SMAP1: variants seen among roughly 807,000 people sequenced by gnomAD.
SMAP1 encodes the protein small ArfGAP 1, also known as stromal membrane-associated protein 1.
SMAP1 carries 24 observed loss-of-function variants against 58.5 expected under a neutral mutation model. The observed-to-expected ratio is 0.41, with a 90% CI of 0.30 to 0.58. The LOEUF is 0.58. SMAP1 is among the 20% of genes least tolerant of loss of function. The probability of loss-of-function intolerance (pLI) is 0.29; values close to 1 mark genes in which losing one functional copy is unlikely to be tolerated. For synonymous variants in SMAP1, 216 were observed against 196.6 expected, an observed-to-expected ratio of 1.10 and a Z score of -0.82; for missense variants, 563 against 566.3, an observed-to-expected ratio of 0.99 and a Z score of 0.06.
At chr6:70,855,187 G>C (rs1771362043) in intron 8 of SMAP1, among the ~76,000 whole-genome samples, 1 of 152,088 alleles carries the variant, frequency 6.6e-6, no homozygotes. Context: ...GAAGGCCAGA[G>C]AGCCTTCGAT....
chr6:70,802,984 C>T (rs1194052621), intron 6 of SMAP1, among the ~76,000 whole-genome samples: 1 of 152,188 alleles, frequency 6.6e-6, no homozygotes, highest in Non-Finnish European at 1.5e-5. Flanking sequence ...TGTTGTGTCT[C>T]TGCCAGGCTT....
intron 4 of SMAP1, among the ~76,000 whole-genome samples, chr6:70,777,441 T>C (rs1198725683): frequency 1.3e-5 from 2 of 152,172 alleles, no homozygotes; most frequent in Non-Finnish European, 2.9e-5. Flanking sequence ...TCAGATCTTT[T>C]GCTTATTTTT....
chr6:70,688,508 A>G (rs1367824374), intron 1 of SMAP1, among the ~76,000 whole-genome samples: 1 of 152,212 alleles, frequency 6.6e-6, no homozygotes, highest in Non-Finnish European at 1.5e-5. Context: ...GTGTTGTAAC[A>G]GTGATATTGG....
chr6:70,702,411 GTTTCA>G (rs1767670842), intron 1 of SMAP1, among the ~76,000 whole-genome samples: 1 of 151,396 alleles, frequency 6.6e-6, no homozygotes, highest in Non-Finnish European at 1.5e-5. Flanking sequence ...CTGTTTATTT[GTTTCA>G]TTTTAGATAG....
intron 1 of SMAP1, among the ~76,000 whole-genome samples, chr6:70,685,000 T>C (rs1404701812): frequency 1.3e-5 from 2 of 152,186 alleles, no homozygotes; most frequent in African/African-American, 4.8e-5. Context: ...TGAGCTCCAG[T>C]GTCATTACAT....
chr6:70,794,999 C>T (rs1220887832), intron 5 of SMAP1, among the ~76,000 whole-genome samples: 17 of 151,712 alleles, frequency 1.1e-4, no homozygotes, highest in Admixed American at 9.9e-4. Context: ...CGTGTTAGCC[C>T]GGATGGTCTC....
intron 10 of SMAP1, chr6:70,859,829 A>C (rs1431513433): frequency 1.1e-5 from 2 of 182,756 alleles, no homozygotes; most frequent in Non-Finnish European, 2.3e-5. Context: ...TCTATCATAC[A>C]AAGTTTATAG....
intron 2 of SMAP1, among the ~76,000 whole-genome samples, chr6:70,741,664 G>A (rs912986338): frequency 6.6e-6 from 1 of 152,138 alleles, no homozygotes; most frequent in Non-Finnish European, 1.5e-5. Flanking sequence ...CCCTCTTCTC[G>A]TAGATAACTA....
At chr6:70,851,695 A>G (rs1026952112) in intron 7 of SMAP1, among the ~76,000 whole-genome samples, 7 of 152,278 alleles carry the variant, frequency 4.6e-5, no homozygotes, top group Admixed American at 1.3e-4. Flanking sequence ...GCCCTTATAA[A>G]TGTTCACTAA....
At chr6:70,775,814 C>T (rs560679712) in intron 4 of SMAP1, among the ~76,000 whole-genome samples, 16 of 152,224 alleles carry the variant, frequency 1.1e-4, no homozygotes, top group African/African-American at 3.4e-4. Context: ...AAATGTATTC[C>T]ACCTATTCCA....
chr6:70,706,902 C>G (rs1364918769), intron 1 of SMAP1, among the ~76,000 whole-genome samples: 2 of 151,878 alleles, frequency 1.3e-5, no homozygotes, highest in East Asian at 3.9e-4. Context: ...ATCAAATAAG[C>G]CAGTGTTTAA....
chr6:70,710,073 A>G (rs776278438), intron 1 of SMAP1, among the ~76,000 whole-genome samples: 43 of 152,278 alleles, frequency 2.8e-4, no homozygotes, highest in Admixed American at 5.2e-4. Flanking sequence ...GGTATAGCCT[A>G]TTGCTCCTAG....
chr6:70,782,047 G>A (rs775170844), intron 4 of SMAP1, among the ~76,000 whole-genome samples: 10 of 152,124 alleles, frequency 6.6e-5, no homozygotes, highest in Non-Finnish European at 1.3e-4. Context: ...TTATCTCATG[G>A]ATAGATGGGG....
At chr6:70,753,024 G>A (rs1344468169) in intron 2 of SMAP1, among the ~76,000 whole-genome samples, 3 of 151,668 alleles carry the variant, frequency 2.0e-5, no homozygotes, top group Non-Finnish European at 4.4e-5. Flanking sequence ...TTGGTATAAT[G>A]TACATATCTG....
At chr6:70,805,114 C>T (rs1769060971) in intron 6 of SMAP1, among the ~76,000 whole-genome samples, 1 of 152,132 alleles carries the variant, frequency 6.6e-6, no homozygotes, top group South Asian at 2.1e-4. Context: ...TGGTTTCATT[C>T]TCCCCATCAC....
At chr6:70,708,022 T>C (rs1345740131) in intron 1 of SMAP1, among the ~76,000 whole-genome samples, 1 of 152,156 alleles carries the variant, frequency 6.6e-6, no homozygotes, top group Non-Finnish European at 1.5e-5. Context: ...GTAGTAACAC[T>C]GCAGTGTATA....
intron 6 of SMAP1, among the ~76,000 whole-genome samples, chr6:70,805,659 A>T (rs919380910): frequency 1.3e-5 from 2 of 151,996 alleles, no homozygotes; most frequent in East Asian, 3.9e-4. Context: ...TTGGTCTTTG[A>T]TGTTGGTGAC....
At position 70,860,473 on chromosome 6, in the gene SMAP1, GTTGGTCTGTA is replaced by G. The variant is rs1201528475; in HGVS notation, c.*140_*149del. ...TATTAAGAATGATCTGATTGACCGT[GTTGGTCTGTA>G]CTGATTCAATTTGATGTGGTGAAAA... On this transcript the variant is annotated 3_prime_UTR_variant, in exon 11 of 11. Transcript: ENST00000370455. 9.5e-7 allele frequency: 1 copy of G among 1,052,960 alleles called. No individual in the cohort carries two copies. The highest frequency in any genetic ancestry group is 1.3e-6 in the Non-Finnish European group (1 of 749,190). 65.2% of individuals were successfully genotyped at this position (1,052,960 alleles called of 1,614,324 possible).
intron 3 of SMAP1, among the ~76,000 whole-genome samples, chr6:70,769,252 A>G (rs548493443): frequency 6.6e-6 from 1 of 152,192 alleles, no homozygotes; most frequent in Non-Finnish European, 1.5e-5. Flanking sequence ...AGAGTTCTGT[A>G]GATGTCTATT....
Sources: gnomAD v4.1 joint callset for allele counts (sites outside exome capture counted in the v4.1 genomes callset) on GRCh38, gnomAD v4.1.1 for gene constraint, MANE v1.5 for transcripts, NCBI Gene and HGNC (gene_info 2026-07-23, HGNC 2026-07-21) for gene names.